SAMD4B: variants seen among roughly 807,000 people sequenced by gnomAD.
SAMD4B encodes the protein protein Smaug homolog 2.
Under a neutral mutation model 74.5 loss-of-function variants are expected in SAMD4B, and 5 were observed. The ratio of observed to expected loss-of-function variants is 0.07; its 90% CI spans 0.04 to 0.14. The LOEUF (loss-of-function observed/expected upper bound fraction) is 0.14, where lower values mean the gene tolerates loss of function less well. Ranked by LOEUF, SAMD4B falls within the 10% of genes least tolerant of loss-of-function variation. The pLI is 1.00. For synonymous variants in SAMD4B, 373 were observed against 374.9 expected (o/e 1.00, Z 0.06); for missense variants, 608 against 921.8 (o/e 0.66, Z 4.41).
intron 1 of SAMD4B, among the ~76,000 whole-genome samples, chr19:39,353,000 C>T (rs2076139566): frequency 6.6e-6 from 1 of 152,214 alleles, no homozygotes. Context: ...GTTCATCCAG[C>T]CTCCGCTTGA....
At chr19:39,388,848 A>G (rs753613265), downstream of SAMD4B, 9 of 1,614,170 alleles carry the variant, frequency 5.6e-6, no homozygotes, top group South Asian at 6.6e-5. Context: ...TCACCTGAGC[A>G]CATGGATTGA....
downstream of SAMD4B, chr19:39,388,950 A>G (rs2078313259): frequency 5.0e-6 from 8 of 1,613,960 alleles, no homozygotes; most frequent in Non-Finnish European, 6.8e-6. Context: ...GCCTGACCTT[A>G]AAGTCTGGGA....
chr19:39,363,489 C>G (rs1255065332), intron 3 of SAMD4B, among the ~76,000 whole-genome samples: 2 of 152,178 alleles, frequency 1.3e-5, no homozygotes, highest in Non-Finnish European at 2.9e-5. Context: ...ATGAACTGTT[C>G]CCACCAGCCC....
At chr19:39,380,514 G>C in intron 10 of SAMD4B, 73 bp from the exon 11 acceptor site, 1 of 1,495,464 alleles carries the variant, frequency 6.7e-7, no homozygotes. Flanking sequence ...GGGTTGTTGG[G>C]GAAGGTGAGG....
intron 4 of SAMD4B, 41 bp downstream of exon 4, chr19:39,370,166 A>G (rs773241226): frequency 6.5e-7 from 1 of 1,539,076 alleles, no homozygotes; most frequent in South Asian, 1.2e-5. Context: ...GCCTACTTGA[A>G]AAAGGTTGGA....
At chr19:39,343,349 C>A (rs1010636320) in intron 1 of SAMD4B, among the ~76,000 whole-genome samples, 1 of 150,604 alleles carries the variant, frequency 6.6e-6, no homozygotes, top group African/African-American at 2.5e-5. Flanking sequence ...TCAGAATGCC[C>A]CCGACGGACC....
In SAMD4B at chr19:39,378,191, C is replaced by T. The variant is rs1484884413; in HGVS notation, c.1445-313C>T. ...GAAATTTATCACAGCTTCAGCCTTTCCTAAAGCAGCATGATACAGCAGACT... is the reference window on the plus strand; with the variant it reads ...GAAATTTATCACAGCTTCAGCCTTTTCTAAAGCAGCATGATACAGCAGACT... On this transcript the variant is annotated intron_variant, in intron 8 of 13. Coordinates refer to ENST00000610417, the MANE Select transcript of SAMD4B (RefSeq NM_001384574.2). This position sits in a 1 kb window ranked among gnomAD's most constrained non-coding sequence, Gnocchi z 4.4. Among the ~76,000 whole-genome samples, 1 of 152,132 alleles carries T rather than the reference C, an allele frequency of 6.6e-6. No individual in the cohort carries two copies. The highest frequency in any genetic ancestry group is 1.5e-5 in the Non-Finnish European group (1 of 68,024).
At chr19:39,343,407 C>G (rs1435362419) in intron 1 of SAMD4B, among the ~76,000 whole-genome samples, 1 of 151,222 alleles carries the variant, frequency 6.6e-6, no homozygotes, top group Non-Finnish European at 1.5e-5. Flanking sequence ...CAAAATAAAT[C>G]TTCCTCACAG....
intron 3 of SAMD4B, among the ~76,000 whole-genome samples, chr19:39,363,522 T>G (rs867300621): frequency 6.6e-6 from 1 of 152,166 alleles, no homozygotes; most frequent in African/African-American, 2.4e-5. Flanking sequence ...GGCTCTAGAT[T>G]CAACGAGGAG....
chr19:39,364,477 A>G (rs1403683604), intron 3 of SAMD4B, among the ~76,000 whole-genome samples: 2 of 152,162 alleles, frequency 1.3e-5, no homozygotes, highest in Non-Finnish European at 2.9e-5. Flanking sequence ...CAGCTTTATA[A>G]TCCTTACTTT....
At chr19:39,347,445 T>C (rs775110549) in intron 1 of SAMD4B, among the ~76,000 whole-genome samples, 8 of 152,210 alleles carry the variant, frequency 5.3e-5, no homozygotes, top group Admixed American at 1.3e-4. Context: ...CGATGAACTT[T>C]CTGAGCAGTG....
intron 1 of SAMD4B, among the ~76,000 whole-genome samples, chr19:39,344,604 T>C (rs1240163817): frequency 6.6e-6 from 1 of 152,126 alleles, no homozygotes; most frequent in East Asian, 1.9e-4. Context: ...AGAATTGCTA[T>C]TTACACCCTC....
At chr19:39,354,841 G>A (rs1257494155) in intron 2 of SAMD4B, among the ~76,000 whole-genome samples, 1 of 152,114 alleles carries the variant, frequency 6.6e-6, no homozygotes, top group East Asian at 1.9e-4. Flanking sequence ...GGGCTCGGTA[G>A]TTCAAGATAA....
At chr19:39,366,233 T>A (rs1176694799) in intron 3 of SAMD4B, among the ~76,000 whole-genome samples, 1 of 152,108 alleles carries the variant, frequency 6.6e-6, no homozygotes, top group Non-Finnish European at 1.5e-5. Flanking sequence ...GGAGAATCGC[T>A]TGAACCCCAG....
rs1600588690 is a variant in SAMD4B, at chr19:39,380,663, T to C, written c.1726T>C (p.Phe576Leu). Residue 576 changes from phenylalanine to leucine, a missense_variant, in exon 11 of 14, where the codon TTC becomes CTC. Coordinates refer to ENST00000610417, the MANE Select transcript of SAMD4B (RefSeq NM_001384574.2). Reference protein sequence around the residue: ...MGVARRTQRQFPMPPRALPPG... With the variant: ...MGVARRTQRQLPMPPRALPPG... Reference sequence around the variant, plus strand: ...AGTGGCCCGGCGTACCCAGCGGCAGTTCCCAATGCCTCCCCGGGCCCTCCC... The same window carrying C: ...AGTGGCCCGGCGTACCCAGCGGCAGCTCCCAATGCCTCCCCGGGCCCTCCC... 6.2e-7 allele frequency: 1 copy of C among 1,613,872 alleles called. No individual in the cohort carries two copies. The highest frequency in any genetic ancestry group is 1.3e-5 in the African/African-American group (1 of 75,028).
intron 3 of SAMD4B, among the ~76,000 whole-genome samples, chr19:39,364,410 A>T (rs1449065238): frequency 6.6e-6 from 1 of 152,238 alleles, no homozygotes; most frequent in East Asian, 1.9e-4. Context: ...CTGAATGTTT[A>T]CTATGAGTAC....
At chr19:39,381,235 C>A in intron 12 of SAMD4B, 122 bp downstream of exon 12, 2 of 1,122,616 alleles carry the variant, frequency 1.8e-6, no homozygotes, top group Non-Finnish European at 2.5e-6. Flanking sequence ...CCATACCTCA[C>A]ACCACTCTGC....
chr19:39,366,337 G>C (rs1220027903), intron 3 of SAMD4B, among the ~76,000 whole-genome samples: 4 of 151,904 alleles, frequency 2.6e-5, no homozygotes, highest in Non-Finnish European at 5.9e-5. Flanking sequence ...CAGGCATGGT[G>C]GTGCACGCCT....
chr19:39,359,256 T>A (rs1313614617), intron 3 of SAMD4B, among the ~76,000 whole-genome samples: 1 of 152,210 alleles, frequency 6.6e-6, no homozygotes, highest in Non-Finnish European at 1.5e-5. Flanking sequence ...TTGGATTACC[T>A]CTGGGTGCCA....
Sources: gnomAD v4.1 joint callset for allele counts (sites outside exome capture counted in the v4.1 genomes callset) on GRCh38, gnomAD v4.1.1 for gene constraint, Gnocchi (gnomAD v3.1) non-coding constraint, MANE v1.5 for transcripts, NCBI Gene and HGNC (gene_info 2026-07-23, HGNC 2026-07-21) for gene names.